STXBP6: variants seen among roughly 807,000 people sequenced by gnomAD.
STXBP6 encodes the protein syntaxin binding protein 6.
Under a neutral mutation model 26.9 loss-of-function variants are expected in STXBP6, and 21 were observed. That is an observed-to-expected ratio of 0.78 (90% CI 0.55 to 1.12). STXBP6 has a LOEUF of 1.12. STXBP6 is among the 50% of genes most tolerant of loss of function. The pLI, the probability that STXBP6 is intolerant of heterozygous loss-of-function variation, is 0.00. For missense variants in STXBP6, 232 were observed against 257.9 expected, an observed-to-expected ratio of 0.90 and a Z score of 0.69; for synonymous variants, 97 against 92.6, an observed-to-expected ratio of 1.05 and a Z score of -0.27.
intron 1 of STXBP6, among the ~76,000 whole-genome samples, chr14:25,024,118 G>A (rs978297408): frequency 6.6e-6 from 1 of 151,876 alleles, no homozygotes; most frequent in Admixed American, 6.6e-5. Flanking sequence ...GACCATCCTG[G>A]CTAACACGGT....
intron 1 of STXBP6, among the ~76,000 whole-genome samples, chr14:25,008,731 G>C (rs2074962073): frequency 1.3e-5 from 2 of 152,138 alleles, no homozygotes; most frequent in Admixed American, 1.3e-4. Context: ...GAGACTACCA[G>C]CTTGAGAATG....
At chr14:24,970,999 T>C (rs2073889813) in intron 2 of STXBP6, among the ~76,000 whole-genome samples, 1 of 152,364 alleles carries the variant, frequency 6.6e-6, no homozygotes, top group Middle Eastern at 3.4e-3. Context: ...AATCAATCTG[T>C]GATTCCAGTG....
At chr14:24,914,149 T>C (rs1187960331) in intron 2 of STXBP6, among the ~76,000 whole-genome samples, 1 of 152,180 alleles carries the variant, frequency 6.6e-6, no homozygotes, top group Non-Finnish European at 1.5e-5. Context: ...GGTACCTTAA[T>C]TCCTAGCAGC....
intron 2 of STXBP6, among the ~76,000 whole-genome samples, chr14:24,898,839 TATATGC>T (rs1157696031): frequency 6.6e-6 from 1 of 152,226 alleles, no homozygotes; most frequent in African/African-American, 2.4e-5. Context: ...CAAGTATGTG[TATATGC>T]ATATGCAGAC....
At chr14:24,835,262 A>C (rs761887028) in intron 4 of STXBP6, among the ~76,000 whole-genome samples, 3 of 152,224 alleles carry the variant, frequency 2.0e-5, no homozygotes, top group Non-Finnish European at 4.4e-5. Flanking sequence ...CTAAACTCAC[A>C]GATCTTCTTC....
intron 4 of STXBP6, among the ~76,000 whole-genome samples, chr14:24,848,161 T>C (rs2069028144): frequency 6.6e-6 from 1 of 152,200 alleles, no homozygotes; most frequent in Admixed American, 6.5e-5. Flanking sequence ...TTTAAAAACA[T>C]AGAATATTTA....
At chr14:24,898,682 A>G (rs1229677754) in intron 2 of STXBP6, among the ~76,000 whole-genome samples, 2 of 152,228 alleles carry the variant, frequency 1.3e-5, no homozygotes, top group Non-Finnish European at 2.9e-5. Context: ...ATCTCAAAAA[A>G]AACAAAACAA....
At chr14:25,043,379 A>G (rs1566582400) in intron 1 of STXBP6, among the ~76,000 whole-genome samples, 1 of 151,728 alleles carries the variant, frequency 6.6e-6, no homozygotes, top group Admixed American at 6.6e-5. Context: ...TTGTCTCATC[A>G]TTTTTTTTTA....
chr14:24,968,754 C>T (rs2073812509), intron 2 of STXBP6, among the ~76,000 whole-genome samples: 1 of 152,076 alleles, frequency 6.6e-6, no homozygotes, highest in Admixed American at 6.6e-5. Context: ...CCAGAAAAAT[C>T]AGATGTTTGA....
At chr14:24,979,558 T>G (rs1160187419) in intron 1 of STXBP6, among the ~76,000 whole-genome samples, 1 of 152,230 alleles carries the variant, frequency 6.6e-6, no homozygotes, top group Non-Finnish European at 1.5e-5. Context: ...TTTTTGAAAT[T>G]CTACAAATTC....
intron 2 of STXBP6, among the ~76,000 whole-genome samples, chr14:24,969,124 T>C (rs766615658): frequency 6.6e-6 from 1 of 152,200 alleles, no homozygotes; most frequent in African/African-American, 2.4e-5. Flanking sequence ...ATAAATTATT[T>C]CATCAAAAAG....
intron 1 of STXBP6, among the ~76,000 whole-genome samples, chr14:25,048,625 C>CA (rs2075760044): frequency 6.6e-6 from 1 of 152,070 alleles, no homozygotes; most frequent in Admixed American, 6.5e-5. Flanking sequence ...CCAAGGTGTT[C>CA]AGCCAAAAAA....
At chr14:24,958,643 C>G (rs1475723061) in intron 2 of STXBP6, among the ~76,000 whole-genome samples, 1 of 152,124 alleles carries the variant, frequency 6.6e-6, no homozygotes, top group Non-Finnish European at 1.5e-5. Context: ...CTTTTTGTAA[C>G]TGAAGAAGAC....
intron 2 of STXBP6, among the ~76,000 whole-genome samples, chr14:24,882,213 A>G (rs1446530613): frequency 1.3e-5 from 2 of 150,188 alleles, no homozygotes; most frequent in African/African-American, 4.9e-5. Context: ...CCCCGTCTCT[A>G]CTAAAAATAC....
In STXBP6 at chr14:24,885,684, C is replaced by T. The variant is rs536684353; in HGVS notation, c.155-28527G>A. ...GTTATCAGCTCAACGTTTGCCTTCT[C>T]CCTGAAATCCTCCTCATGCATTCAG... On this transcript the variant is annotated intron_variant, in intron 2 of 5. Coordinates refer to ENST00000323944, the MANE Select transcript of STXBP6 (RefSeq NM_001394410.1). Among the ~76,000 whole-genome samples the T allele has an allele frequency of 2.1e-4, 32 of 152,368 alleles. No homozygotes were observed. In the South Asian group the frequency reaches 5.2e-3, roughly 25 times the overall value.
chr14:24,912,778 G>A (rs2071621115), intron 2 of STXBP6, among the ~76,000 whole-genome samples: 3 of 152,122 alleles, frequency 2.0e-5, no homozygotes, highest in Admixed American at 2.0e-4. Context: ...ATAGAACATG[G>A]ACAGAGTAAC....
chr14:24,913,577 T>A (rs1476845630), intron 2 of STXBP6, among the ~76,000 whole-genome samples: 1 of 152,162 alleles, frequency 6.6e-6, no homozygotes, highest in African/African-American at 2.4e-5. Flanking sequence ...CTGCAATCTC[T>A]TTTAGAACCC....
chr14:24,871,974 C>G (rs2069952669), intron 2 of STXBP6, among the ~76,000 whole-genome samples: 1 of 152,198 alleles, frequency 6.6e-6, no homozygotes, highest in Non-Finnish European at 1.5e-5. Context: ...CCATGGCCAA[C>G]AGAGTAATTT....
At chr14:24,846,207 C>T (rs1462885216) in intron 4 of STXBP6, among the ~76,000 whole-genome samples, 1 of 152,144 alleles carries the variant, frequency 6.6e-6, no homozygotes, top group Non-Finnish European at 1.5e-5. Context: ...CAAAATTAAC[C>T]AGGAATTTGA....
Sources: allele counts gnomAD v4.1 joint callset (sites outside exome capture counted in the v4.1 genomes callset), GRCh38; gene constraint gnomAD v4.1.1; transcripts MANE v1.5; gene names NCBI Gene and HGNC (gene_info 2026-07-23, HGNC 2026-07-21).